The following SIPA1L3 variants were observed in gnomAD, a reference collection of about 807,000 sequenced individuals.
The protein encoded by SIPA1L3 is signal-induced proliferation-associated 1-like protein 3.
Under a neutral mutation model 150.1 loss-of-function variants are expected in SIPA1L3, and 59 were observed. That is an observed-to-expected ratio of 0.39 (90% CI 0.32 to 0.49). The LOEUF (loss-of-function observed/expected upper bound fraction) is 0.49, where lower values mean the gene tolerates loss of function less well. SIPA1L3 is among the 20% of genes least tolerant of loss of function. The pLI, the probability that SIPA1L3 is intolerant of heterozygous loss-of-function variation, is 0.86. For synonymous variants in SIPA1L3, 1,070 were observed against 1,077.6 expected (o/e 0.99, Z 0.14); for missense variants, 2,211 against 2,489.5 (o/e 0.89, Z 2.38).
chr19:37,972,872 C>G, intron 1 of SIPA1L3, among the ~76,000 whole-genome samples: 1 of 152,276 alleles, frequency 6.6e-6, no homozygotes, highest in South Asian at 2.1e-4. Flanking sequence ...CCCCTTCCCC[C>G]CAAATTAGTG....
At chr19:38,091,268 C>T (rs566937729) in intron 4 of SIPA1L3, among the ~76,000 whole-genome samples, 62 of 152,218 alleles carry the variant, frequency 4.1e-4, no homozygotes, top group African/African-American at 1.2e-3. Flanking sequence ...CACTTGTAGT[C>T]TTAGCTGCTC....
intron 1 of SIPA1L3, among the ~76,000 whole-genome samples, chr19:38,008,898 C>T (rs1311070302): frequency 2.0e-5 from 3 of 152,136 alleles, no homozygotes; most frequent in Non-Finnish European, 4.4e-5. Context: ...GCTAGGAATA[C>T]TAGCTGGGTC....
intron 8 of SIPA1L3, among the ~76,000 whole-genome samples, chr19:38,111,977 A>G (rs1042287472): frequency 9.2e-5 from 12 of 130,806 alleles, no homozygotes; most frequent in East Asian, 2.1e-4. Context: ...ATGCACACAC[A>G]TGCACACAGG....
chr19:37,970,204 C>T (rs192654015), intron 1 of SIPA1L3, among the ~76,000 whole-genome samples: 6 of 152,264 alleles, frequency 3.9e-5, no homozygotes, highest in Middle Eastern at 6.8e-3. Context: ...AAATGTTACT[C>T]GTAAGTTAAA....
At chr19:38,190,229 CTT>C (rs1485731201) in intron 16 of SIPA1L3, among the ~76,000 whole-genome samples, 178 of 152,332 alleles carry the variant, frequency 1.2e-3, no homozygotes, top group African/African-American at 4.0e-3. Context: ...GCCAGGCCTG[CTT>C]CCTCACTGCC....
chr19:38,098,016 A>T (rs1970416838), intron 4 of SIPA1L3, among the ~76,000 whole-genome samples: 1 of 152,200 alleles, frequency 6.6e-6, no homozygotes, highest in South Asian at 2.1e-4. Flanking sequence ...AACCTCTTGG[A>T]ACTTCAATTT....
At chr19:38,156,726 G>A (rs1328619490) in intron 13 of SIPA1L3, among the ~76,000 whole-genome samples, 1 of 152,192 alleles carries the variant, frequency 6.6e-6, no homozygotes, top group Non-Finnish European at 1.5e-5. Flanking sequence ...TCAGGAGGCT[G>A]AGGCAGGAGA....
chr19:38,014,746 T>C (rs947223972), intron 1 of SIPA1L3, among the ~76,000 whole-genome samples: 4 of 151,398 alleles, frequency 2.6e-5, no homozygotes, highest in African/African-American at 9.7e-5. Flanking sequence ...CTCGGCTCAC[T>C]GCAAGCTCTG....
chr19:37,926,559 A>G (rs994259127), intron 1 of SIPA1L3, among the ~76,000 whole-genome samples: 2 of 151,910 alleles, frequency 1.3e-5, no homozygotes, highest in African/African-American at 4.8e-5. Context: ...ACCCAGCTTG[A>G]GGTGTCTGTG....
At chr19:38,160,406 CTT>C (rs1013776043) in intron 13 of SIPA1L3, among the ~76,000 whole-genome samples, 6 of 134,884 alleles carry the variant, frequency 4.4e-5, no homozygotes, top group South Asian at 2.4e-4. Context: ...AGCTGCTACT[CTT>C]TTTTTTTTTT....
rs1186240877 is a variant in SIPA1L3, at chr19:38,082,118, G to A, written c.553G>A (p.Gly185Arg). ...TLSECDAEDAGEPRGARHTGA... is the reference protein window; with the variant it reads ...TLSECDAEDAREPRGARHTGA... The stretch of plus-strand genomic sequence containing the variant: ...CAGCGAGTGTGACGCGGAGGACGCG[G>A]GGGAGCCGCGGGGGGCCCGGCACAC... The change falls in exon 3 of 22, where the codon GGG (glycine) becomes AGG (arginine). Residue 185 changes from glycine to arginine, a missense_variant. Transcript: ENST00000222345. The A allele has an allele frequency of 7.5e-6, 12 of 1,607,022 alleles. No individual in the cohort carries two copies. Among genetic ancestry groups the A allele is most frequent in the Middle Eastern group, 1.7e-4 (1 of 6,056 alleles).
intron 9 of SIPA1L3, among the ~76,000 whole-genome samples, chr19:38,130,287 T>A (rs2145917827): frequency 6.6e-6 from 1 of 152,078 alleles, no homozygotes; most frequent in East Asian, 1.9e-4. Context: ...AGCCACGGGG[T>A]CGCATATCCA....
intron 1 of SIPA1L3, among the ~76,000 whole-genome samples, chr19:37,916,578 G>A (rs2046416754): frequency 6.6e-6 from 1 of 151,252 alleles, no homozygotes; most frequent in Admixed American, 6.6e-5. Flanking sequence ...CACCTACCCT[G>A]TGTGTCAGGG....
chr19:38,146,179 G>C (rs1168414280), intron 12 of SIPA1L3, among the ~76,000 whole-genome samples: 2 of 152,116 alleles, frequency 1.3e-5, no homozygotes, highest in Non-Finnish European at 2.9e-5. Flanking sequence ...TTTAATTATT[G>C]TTATTTCATG....
At chr19:38,122,488 C>A (rs1041646876) in intron 9 of SIPA1L3, among the ~76,000 whole-genome samples, 1 of 152,136 alleles carries the variant, frequency 6.6e-6, no homozygotes, top group African/African-American at 2.4e-5. Context: ...TGGTCTCTCC[C>A]GGACACTTTC....
At chr19:38,017,632 C>T (rs1968269044) in intron 1 of SIPA1L3, among the ~76,000 whole-genome samples, 1 of 151,772 alleles carries the variant, frequency 6.6e-6, no homozygotes, top group Non-Finnish European at 1.5e-5. Flanking sequence ...TCGAGTGATC[C>T]TCCAGCCCTC....
chr19:37,952,373 T>TA (rs34356724), intron 1 of SIPA1L3, among the ~76,000 whole-genome samples: 22,859 of 152,136 alleles, frequency 0.15, 1,952 homozygotes, highest in Middle Eastern at 0.28. Flanking sequence ...AATCTATATT[T>TA]AAATTTAAAA....
Position 38,081,789 on chromosome 19 carries a change from C to G in SIPA1L3, c.224C>G (p.Pro75Arg). ...CCCAGCCCCACCACTCCCGCAATGC[C>G]CAAGATGGGCGTGCGCGCAAGGGTG... ...TRPSPTTPAMPKMGVRARVAD... is the reference protein window; with the variant it reads ...TRPSPTTPAMRKMGVRARVAD... Residue 75 changes from proline to arginine, a missense_variant, in exon 3 of 22, where the codon CCC becomes CGC. Physicochemically the swap from Pro to Arg is moderately radical, Grantham distance 103. Transcript: ENST00000222345. 6 of 1,612,484 alleles carry G rather than the reference C, an allele frequency of 3.7e-6. No homozygotes were observed. Among genetic ancestry groups the G allele is most frequent in the Non-Finnish European group, 5.1e-6 (6 of 1,179,590 alleles).
chr19:37,965,639 T>A (rs968794903), intron 1 of SIPA1L3, among the ~76,000 whole-genome samples: 1 of 152,086 alleles, frequency 6.6e-6, no homozygotes, highest in Non-Finnish European at 1.5e-5. Context: ...ACTTCTAGAT[T>A]CACATTTTCT....
Sources: gnomAD v4.1 joint callset for allele counts (sites outside exome capture counted in the v4.1 genomes callset) on GRCh38, gnomAD v4.1.1 for gene constraint, MANE v1.5 for transcripts, NCBI Gene and HGNC (gene_info 2026-07-23, HGNC 2026-07-21) for gene names.